PHLDB2: variants seen among roughly 807,000 people sequenced by gnomAD.
The protein encoded by PHLDB2 is pleckstrin homology-like domain family B member 2.
Under a neutral mutation model 123.6 loss-of-function variants are expected in PHLDB2, and 71 were observed. That is an observed-to-expected ratio of 0.57 (90% CI 0.47 to 0.70). PHLDB2 has a LOEUF of 0.70. Ranked by LOEUF, PHLDB2 falls within the 30% of genes least tolerant of loss-of-function variation. The probability of loss-of-function intolerance (pLI) is 0.00; values close to 1 mark genes in which losing one functional copy is unlikely to be tolerated. For synonymous variants in PHLDB2, 547 were observed against 541.6 expected (o/e 1.01, Z -0.14); for missense variants, 1,446 against 1,519.5 (o/e 0.95, Z 0.80).
intron 2 of PHLDB2, among the ~76,000 whole-genome samples, chr3:111,908,224 A>G (rs928988686): frequency 1.3e-5 from 2 of 152,162 alleles, no homozygotes; most frequent in Non-Finnish European, 2.9e-5. Flanking sequence ...ATAATCTCCC[A>G]GAAGCCAATG....
chr3:111,884,320 C>G lies in PHLDB2; in HGVS notation c.243C>G (p.Ser81Arg). The change falls in exon 2 of 18, where the codon AGC becomes AGG. Residue 81 changes from serine to arginine, a missense_variant. Coordinates refer to ENST00000431670, the MANE Select transcript of PHLDB2 (RefSeq NM_001134438.2). ...SPSPLGTSVR[S>R]SPSLAKIQGS... ...CTCCTTTGGGAACCAGTGTCAGAAG[C>G]AGCCCCTCCTTAGCCAAAATCCAGG... 1 of 1,614,192 alleles carries G rather than the reference C, an allele frequency of 6.2e-7. No homozygotes were observed. Among genetic ancestry groups the G allele is most frequent in the African/African-American group, 1.3e-5 (1 of 75,056 alleles).
chr3:111,869,705 C>CTA (rs1201976225), intron 1 of PHLDB2, among the ~76,000 whole-genome samples: 2 of 25,286 alleles, frequency 7.9e-5, no homozygotes, highest in Non-Finnish European at 1.2e-3. Flanking sequence ...GTGTCTGTCT[C>CTA]TGTGTGTGTG....
chr3:111,887,927 A>G (rs1346265869), intron 2 of PHLDB2, among the ~76,000 whole-genome samples: 2 of 152,118 alleles, frequency 1.3e-5, no homozygotes, highest in South Asian at 4.1e-4. Context: ...CATTAATGAG[A>G]TATTGTATTT....
intron 1 of PHLDB2, among the ~76,000 whole-genome samples, chr3:111,798,021 C>A (rs1322673507): frequency 6.6e-6 from 1 of 152,130 alleles, no homozygotes; most frequent in Non-Finnish European, 1.5e-5. Context: ...GTAGTCCCAG[C>A]TACCTGGGAG....
At chr3:111,818,244 C>T (rs1468878891) in intron 1 of PHLDB2, among the ~76,000 whole-genome samples, 1 of 150,520 alleles carries the variant, frequency 6.6e-6, no homozygotes, top group Non-Finnish European at 1.5e-5. Context: ...AATGTAGTGG[C>T]CTTGGAAATG....
At chr3:111,886,167 CTTTGATTCATT>C (rs754884220) in intron 2 of PHLDB2, among the ~76,000 whole-genome samples, 4 of 152,210 alleles carry the variant, frequency 2.6e-5, no homozygotes, top group Non-Finnish European at 2.9e-5. Flanking sequence ...TGAGAGATTA[CTTTGATTCATT>C]TTTGATTCAT....
At chr3:111,954,061 T>C (rs746948712) in intron 12 of PHLDB2, 32 bp downstream of exon 12, 2 of 1,580,958 alleles carry the variant, frequency 1.3e-6, no homozygotes, top group Admixed American at 3.4e-5. Flanking sequence ...TGTCATGGCC[T>C]TTTGTTAAGC....
intron 1 of PHLDB2, among the ~76,000 whole-genome samples, chr3:111,789,384 A>G (rs1357908607): frequency 6.6e-6 from 1 of 152,244 alleles, no homozygotes; most frequent in Non-Finnish European, 1.5e-5. Context: ...AGTTGGTTAC[A>G]TAATTGGCAG....
intron 1 of PHLDB2, among the ~76,000 whole-genome samples, chr3:111,879,838 A>G (rs2065849308): frequency 6.6e-6 from 1 of 152,152 alleles, no homozygotes; most frequent in Non-Finnish European, 1.5e-5. Flanking sequence ...GTTTTCTGGT[A>G]CTGCTTCTTC....
At chr3:111,825,900 T>C (rs902594235) in intron 1 of PHLDB2, among the ~76,000 whole-genome samples, 3 of 152,154 alleles carry the variant, frequency 2.0e-5, no homozygotes, top group Non-Finnish European at 4.4e-5. Flanking sequence ...GGTTGTTCTG[T>C]GGTTATTTTA....
chr3:111,964,412 T>G (rs145514719), intron 13 of PHLDB2, among the ~76,000 whole-genome samples: 1 of 152,264 alleles, frequency 6.6e-6, no homozygotes, highest in Non-Finnish European at 1.5e-5. Context: ...CAATTTCAGC[T>G]CACTGCAACC....
rs144836013 is a variant in PHLDB2, at chr3:111,975,206, T to G, written c.*643T>G. Reference sequence around the variant, plus strand: ...TGATGCCATCAAATGCCCAGGAAATTGACTTTGCAGTGTCACCACTGGTGT... The same window carrying G: ...TGATGCCATCAAATGCCCAGGAAATGGACTTTGCAGTGTCACCACTGGTGT... On this transcript the variant is annotated 3_prime_UTR_variant, in exon 18 of 18. Transcript: ENST00000431670. 4.3e-4 allele frequency: 65 copies of G among 152,602 alleles called. No individual in the cohort carries two copies. Among genetic ancestry groups the G allele is most frequent in the African/African-American group, 1.5e-3 (62 of 41,518 alleles). 9.5% of individuals were successfully genotyped at this position (152,602 alleles called of 1,614,324 possible). A position where few individuals can be genotyped will look rare whatever the true frequency, so the allele number is the denominator to read the frequency against.
chr3:111,879,268 G>T (rs368972277), intron 1 of PHLDB2, among the ~76,000 whole-genome samples: 7 of 152,196 alleles, frequency 4.6e-5, no homozygotes, highest in East Asian at 1.9e-4. Context: ...CCTCTTCTTG[G>T]TTTAGTCTTA....
chr3:111,869,713 G>T (rs200454996), intron 1 of PHLDB2, among the ~76,000 whole-genome samples: 5 of 151,308 alleles, frequency 3.3e-5, no homozygotes, highest in South Asian at 2.1e-4. Context: ...CTCTGTGTGT[G>T]TGTGTGTGTG....
chr3:111,911,270 T>C (rs562984831), intron 2 of PHLDB2, among the ~76,000 whole-genome samples: 4 of 152,372 alleles, frequency 2.6e-5, no homozygotes, highest in African/African-American at 9.6e-5. Flanking sequence ...GGCTAATGTA[T>C]ACATGTTATA....
intron 11 of PHLDB2, among the ~76,000 whole-genome samples, chr3:111,953,278 C>G (rs977547900): frequency 6.6e-6 from 1 of 152,156 alleles, no homozygotes; most frequent in Non-Finnish European, 1.5e-5. Context: ...CAAGCTCTCC[C>G]TCAGGTTCTG....
intron 12 of PHLDB2, among the ~76,000 whole-genome samples, chr3:111,955,162 T>TATATATATATA (rs1553754378): frequency 7.4e-6 from 1 of 135,192 alleles, no homozygotes; most frequent in Non-Finnish European, 1.6e-5. Context: ...TATATATATC[T>TATATATATATA]CTCACTGGAA....
Position 111,884,958 on chromosome 3 carries a change from G to C in PHLDB2, c.881G>C (p.Ser294Thr), listed in dbSNP as rs2066087005. The change falls in exon 2 of 18, where the codon AGC (serine) becomes ACC (threonine). Residue 294 changes from serine to threonine, a missense_variant. Ser to Thr is a moderately conservative substitution (Grantham distance 58). This residue lies in a region of PHLDB2 where 832 missense variants were observed against 831.9 expected (regional missense o/e 1.00). Transcript: ENST00000431670. ...CTTGGGGAAAAGGATCTACCTCATA[G>C]CGTAATAGACAATGACAATTACCTT... ...TKLGEKDLPHSVIDNDNYLNF... is the reference protein window; with the variant it reads ...TKLGEKDLPHTVIDNDNYLNF... The C allele has an allele frequency of 6.2e-7, 1 of 1,614,046 alleles. No individual in the cohort carries two copies. Among genetic ancestry groups the C allele is most frequent in the East Asian group, 2.2e-5 (1 of 44,864 alleles).
chr3:111,820,822 T>C (rs908656788), intron 1 of PHLDB2, among the ~76,000 whole-genome samples: 63 of 152,218 alleles, frequency 4.1e-4, no homozygotes, highest in Non-Finnish European at 6.2e-4. Flanking sequence ...ATGGCACATA[T>C]CCCGTTGCCC....
Sources: allele counts gnomAD v4.1 joint callset (sites outside exome capture counted in the v4.1 genomes callset), GRCh38; gene constraint gnomAD v4.1.1; regional missense constraint gnomAD v4.1.1; transcripts MANE v1.5; gene names NCBI Gene and HGNC (gene_info 2026-07-23, HGNC 2026-07-21).